Variants in TULP4 observed in about 807,000 individuals in gnomAD.
TULP4 encodes TUB like protein 4.
In TULP4, 16 loss-of-function variants were observed where a neutral mutation model predicts 129.0. That is an observed-to-expected ratio of 0.12 (90% CI 0.08 to 0.19). TULP4 has a LOEUF of 0.19. Ranked by LOEUF, TULP4 falls within the 10% of genes least tolerant of loss-of-function variation. The probability of loss-of-function intolerance (pLI) is 1.00; values close to 1 mark genes in which losing one functional copy is unlikely to be tolerated. For missense variants in TULP4, 1,842 were observed against 2,059.1 expected (o/e 0.89, Z 2.04); for synonymous variants, 998 against 854.0 (o/e 1.17, Z -2.94).
chr6:158,444,174 T>G (rs542076008), intron 3 of TULP4, among the ~76,000 whole-genome samples: 2 of 118,602 alleles, frequency 1.7e-5, no homozygotes, highest in South Asian at 3.0e-4. Context: ...GAGCCAAGAT[T>G]GCACCACTGT....
rs558962204 is a variant in TULP4 at position 158,390,007 on chromosome 6, G to A, written c.253-23058G>A. ...GTGATTCTCCTGCCAGGAGGCGGAG[G>A]TTGCAGTGAGCTGAGATTGCACCAC... On this transcript the variant is annotated intron_variant, in intron 1 of 13. Transcript: ENST00000367097. Among the ~76,000 whole-genome samples, 29 of 151,600 alleles carry A rather than the reference G, an allele frequency of 1.9e-4. No homozygotes were observed. In the South Asian group the frequency reaches 5.4e-3, roughly 28 times the overall value.
At chr6:158,258,031 G>A (rs1326657107) in intron 1 of TULP4, among the ~76,000 whole-genome samples, 1 of 152,210 alleles carries the variant, frequency 6.6e-6, no homozygotes, top group Admixed American at 6.5e-5. Context: ...GCTGGGTTCA[G>A]TCAACCACCT....
chr6:158,388,675 C>T (rs1252568525), intron 1 of TULP4, among the ~76,000 whole-genome samples: 1 of 149,374 alleles, frequency 6.7e-6, no homozygotes, highest in Non-Finnish European at 1.5e-5. Context: ...AAAATGCCTG[C>T]ATCATAGGTA....
chr6:158,426,308 T>C (rs1778491452), intron 2 of TULP4, among the ~76,000 whole-genome samples: 1 of 152,236 alleles, frequency 6.6e-6, no homozygotes, highest in Admixed American at 6.5e-5. Flanking sequence ...CGTTCCTATG[T>C]CCAGAATGGT....
chr6:158,356,560 C>T (rs1780651920), intron 1 of TULP4, among the ~76,000 whole-genome samples: 1 of 152,104 alleles, frequency 6.6e-6, no homozygotes, highest in East Asian at 1.9e-4. Context: ...GGAATTCTGG[C>T]TATGCAGGGG....
chr6:158,303,128 G>A (rs780736559), intron 1 of TULP4, among the ~76,000 whole-genome samples: 1 of 150,370 alleles, frequency 6.7e-6, no homozygotes, highest in South Asian at 2.1e-4. Flanking sequence ...CCAATAAGTG[G>A]CTTTTTCACT....
intron 1 of TULP4, among the ~76,000 whole-genome samples, chr6:158,294,676 C>T (rs1177581614): frequency 6.6e-6 from 1 of 152,110 alleles, no homozygotes; most frequent in East Asian, 1.9e-4. Flanking sequence ...CCTCTACTTC[C>T]TTCTCTTCCT....
At chr6:158,421,159 A>G (rs1307083266) in intron 2 of TULP4, among the ~76,000 whole-genome samples, 1 of 152,168 alleles carries the variant, frequency 6.6e-6, no homozygotes, top group Non-Finnish European at 1.5e-5. Flanking sequence ...CAAGAGATCA[A>G]GACCATCCTG....
intron 1 of TULP4, among the ~76,000 whole-genome samples, chr6:158,400,466 G>A (rs767406242): frequency 6.6e-6 from 1 of 152,088 alleles, no homozygotes; most frequent in African/African-American, 2.4e-5. Flanking sequence ...GGTGTAGTGT[G>A]TGTGTGTAGA....
chr6:158,378,575 C>G (rs1041213074), intron 1 of TULP4, among the ~76,000 whole-genome samples: 57 of 150,544 alleles, frequency 3.8e-4, no homozygotes, highest in African/African-American at 1.1e-3. Context: ...ACCTCTCCCC[C>G]ACCTCTCCAG....
At position 158,238,217 on chromosome 6, in the gene TULP4, A is replaced by G. The variant is rs1259398587; in HGVS notation, n.68+5914A>G. ...CTGTGCCATGGTCAGCTTAATTTCA[A>G]TTGCATTTTCTTGATGCTGATCTGA... is the stretch of plus-strand genomic sequence containing the variant. On this transcript the variant is annotated intron_variant and non_coding_transcript_variant, in intron 1 of 1. Coordinates refer to the TULP4 transcript ENST00000620026. 2.3e-5 allele frequency: 20 copies of G among 861,854 alleles called. 1 individual carries two copies. The highest frequency in any genetic ancestry group is 8.0e-5 in the South Asian group (6 of 75,338). 53.4% of individuals were successfully genotyped at this position (861,854 alleles called of 1,614,324 possible). A position where few individuals can be genotyped will look rare whatever the true frequency, so the allele number is the denominator to read the frequency against.
intron 1 of TULP4, among the ~76,000 whole-genome samples, chr6:158,258,101 T>C (rs947743794): frequency 1.3e-5 from 2 of 152,294 alleles, no homozygotes; most frequent in Non-Finnish European, 2.9e-5. Context: ...GAACCCTCTA[T>C]TAGTCAGGGG....
At chr6:158,269,322 A>C (rs548450078) in intron 1 of TULP4, among the ~76,000 whole-genome samples, 4 of 151,514 alleles carry the variant, frequency 2.6e-5, no homozygotes, top group Admixed American at 2.6e-4. Context: ...TGTCACTAAT[A>C]GCCTAGTGAC....
At chr6:158,280,139 C>T (rs2128465985), upstream of TULP4, among the ~76,000 whole-genome samples, 1 of 151,892 alleles carries the variant, frequency 6.6e-6, no homozygotes. Flanking sequence ...GAGAGTTGGG[C>T]CTCAGTATGA....
chr6:158,267,335 A>G (rs1778464163), intron 1 of TULP4, among the ~76,000 whole-genome samples: 1 of 152,190 alleles, frequency 6.6e-6, no homozygotes, highest in South Asian at 2.1e-4. Flanking sequence ...AGAAGATGCA[A>G]TTTTTGCCCT....
At position 158,506,586 on chromosome 6, in the gene TULP4, G is replaced by C; in HGVS notation, c.4524G>C (p.Gln1508His). 1 of 1,611,180 alleles carries C rather than the reference G, an allele frequency of 6.2e-7. No homozygotes were observed. Residue 1508 changes from glutamine to histidine, a missense_variant, in exon 14 of 14, where the codon CAG (glutamine) becomes CAC (histidine). This residue lies in a region of TULP4 where 47 missense variants were observed against 104.0 expected (regional missense o/e 0.45). Coordinates refer to ENST00000367097, the MANE Select transcript of TULP4 (RefSeq NM_020245.5). ...QIELEGRQVMQFGRIDGSAYI... is the reference protein window; with the variant it reads ...QIELEGRQVMHFGRIDGSAYI... ...CCCCTGCCCTCCTCCAGGTGATGCA[G>C]TTTGGACGGATTGATGGCAGTGCGT...
chr6:158,317,716 C>T (rs991506164), intron 1 of TULP4, among the ~76,000 whole-genome samples: 1 of 152,168 alleles, frequency 6.6e-6, no homozygotes, highest in Non-Finnish European at 1.5e-5. Context: ...AGTTCTAGAT[C>T]CTTGAGGAAT....
chr6:158,306,811 G>A (rs9346748), intron 1 of TULP4, among the ~76,000 whole-genome samples: 131,817 of 152,124 alleles, frequency 0.87, 57,476 homozygotes, highest in Admixed American at 0.92. Context: ...CTTGAGCCTC[G>A]GAGTTCGAGA....
At chr6:158,463,783 A>G (rs1219293839) in intron 6 of TULP4, among the ~76,000 whole-genome samples, 1 of 150,662 alleles carries the variant, frequency 6.6e-6, no homozygotes, top group African/African-American at 2.4e-5. Flanking sequence ...ATCTGTAATT[A>G]CATGCAGGCA....
Sources: allele counts gnomAD v4.1 joint callset (sites outside exome capture counted in the v4.1 genomes callset), GRCh38; gene constraint gnomAD v4.1.1; regional missense constraint gnomAD v4.1.1; transcripts MANE v1.5; gene names NCBI Gene and HGNC (gene_info 2026-07-23, HGNC 2026-07-21).